Variants in APOOL observed in about 807,000 individuals in gnomAD.
APOOL encodes MICOS complex subunit MIC27.
APOOL carries 12 observed loss-of-function variants against 23.1 expected under a neutral mutation model. The observed-to-expected ratio is 0.52, with a 90% CI of 0.33 to 0.84. The LOEUF (loss-of-function observed/expected upper bound fraction) is 0.84. Ranked by LOEUF, APOOL falls within the 40% of genes least tolerant of loss-of-function variation. APOOL has a pLI of 0.02. For missense variants in APOOL, 212 were observed against 199.6 expected (o/e 1.06, Z -0.37); for synonymous variants, 77 against 69.9 (o/e 1.10, Z -0.51).
At chrX:85,054,060 A>G (rs1013030198) in intron 3 of APOOL, among the ~76,000 whole-genome samples, 4 of 111,773 alleles carry the variant, frequency 3.6e-5, no homozygotes, top group Non-Finnish European at 7.5e-5. Flanking sequence ...TCATTATAAA[A>G]TAAGATGATA....
chrX:85,029,047 C>T (rs950149399), intron 1 of APOOL, among the ~76,000 whole-genome samples: 3 of 111,647 alleles, frequency 2.7e-5, no homozygotes, highest in African/African-American at 9.8e-5. Context: ...GGGTATATAT[C>T]CAGCAGTGGG....
In APOOL at chrX:85,020,336, A is replaced by G. The variant is rs1044677790; in HGVS notation, c.15+16409A>G. 7.2e-5 allele frequency among the ~76,000 whole-genome samples: 8 copies of G among 111,683 alleles called. 1 individual carries two copies. The Admixed American group carries it at 7.6e-4, about 11-fold the overall frequency. ...AGATGCATTGATGAGGGCAGGAGGG[A>G]CGGTCAGTTTTACATTGCCTATGTC... On this transcript the variant is annotated intron_variant, in intron 1 of 8. Coordinates refer to ENST00000373173, the MANE Select transcript of APOOL (RefSeq NM_198450.6).
chrX:85,005,404 C>CT (rs370725375), intron 1 of APOOL, among the ~76,000 whole-genome samples: 1,556 of 33,436 alleles, frequency 0.047, 265 homozygotes, highest in African/African-American at 0.13. Flanking sequence ...ACCCCCCCCC[C>CT]CCCCCGGGCC....
intron 4 of APOOL, 143 bp downstream of exon 4, chrX:85,054,541 TTTATTGA>T (rs1922893735): frequency 2.7e-6 from 1 of 370,959 alleles, no homozygotes; most frequent in African/African-American, 3.6e-5. Flanking sequence ...TATTGATTAA[TTTATTGA>T]TTATTTGTTG....
chrX:85,072,014 A>C (rs1014360766), intron 6 of APOOL, among the ~76,000 whole-genome samples: 2 of 112,047 alleles, frequency 1.8e-5, no homozygotes, highest in Non-Finnish European at 3.8e-5. Flanking sequence ...AAGCTGAGAC[A>C]GGAGAATGGG....
At chrX:85,079,024 T>C (rs932795676) in intron 8 of APOOL, among the ~76,000 whole-genome samples, 2 of 111,785 alleles carry the variant, frequency 1.8e-5, no homozygotes, top group African/African-American at 6.5e-5. Context: ...TATACAATCA[T>C]GTCATCTGCA....
intron 1 of APOOL, among the ~76,000 whole-genome samples, chrX:85,031,860 T>C (rs1922048441): frequency 8.9e-6 from 1 of 112,206 alleles, no homozygotes; most frequent in South Asian, 3.7e-4. Context: ...TAATCCTGTT[T>C]TGAAATTTTG....
chrX:85,084,215 A>G (rs560098851), intron 8 of APOOL, among the ~76,000 whole-genome samples: 1 of 97,534 alleles, frequency 1.0e-5, no homozygotes, highest in Non-Finnish European at 2.0e-5. Flanking sequence ...GGCTCACTGT[A>G]ACCTCTGCCT....
chrX:85,055,825 A>G lies in APOOL; in HGVS notation c.296-2A>G. On this transcript the variant is annotated splice_acceptor_variant, in intron 4 of 8. Transcript: ENST00000373173. LOFTEE classifies it high-confidence loss of function. ...ATGTTAATTTTTAACTGATTTCTTG[A>G]GATGCTTATGTCTATCTGAAGAATC... 3.4e-6 allele frequency: 4 copies of G among 1,175,595 alleles called. No individual in the cohort carries two copies. The highest frequency in any genetic ancestry group is 4.6e-6 in the Non-Finnish European group (4 of 871,485).
chrX:85,057,022 A>G (rs1280874638), intron 5 of APOOL, among the ~76,000 whole-genome samples: 1 of 111,771 alleles, frequency 8.9e-6, no homozygotes, highest in Non-Finnish European at 1.9e-5. Context: ...TAGATTATCA[A>G]GATTGTTGCA....
intron 2 of APOOL, 71 bp downstream of exon 2, chrX:85,046,621 T>G: frequency 1.1e-6 from 1 of 879,261 alleles, no homozygotes; most frequent in Non-Finnish European, 1.6e-6. Flanking sequence ...TTTTTTAAAA[T>G]TATCTTTGCC....
At chrX:85,086,921 G>A (rs1225898671) in intron 8 of APOOL, among the ~76,000 whole-genome samples, 1 of 108,548 alleles carries the variant, frequency 9.2e-6, no homozygotes. Context: ...AGATGGTCTT[G>A]ATCTCCTGAC....
chrX:85,022,245 C>T lies in APOOL; in HGVS notation c.15+18318C>T, dbSNP rs1032349612. Among the ~76,000 whole-genome samples, 5 of 112,178 alleles carry T rather than the reference C, an allele frequency of 4.5e-5. 1 individual carries two copies. Among genetic ancestry groups the T allele is most frequent in the Middle Eastern group, 8.3e-3 (2 of 240 alleles). On this transcript the variant is annotated intron_variant, in intron 1 of 8. Transcript: ENST00000373173. ...TTTCAAATGTATTTTACAAGGCCAG[C>T]ATTACCATGATACAAAAGCCAGACA...
rs191085828 is a variant in APOOL, at chrX:85,031,273, G to T, written c.16-15173G>T. Among the ~76,000 whole-genome samples, 372 of 111,429 alleles carry T rather than the reference G, an allele frequency of 3.3e-3. 1 individual carries two copies. Among genetic ancestry groups the T allele is most frequent in the African/African-American group, 0.011 (325 of 30,711 alleles). On this transcript the variant is annotated intron_variant, in intron 1 of 8. Transcript: ENST00000373173. ...CTTGGTATATAGGCATCTCATAAAT[G>T]TTATTACGTAAAATGACTTAGATTC...
chrX:85,055,926 G>A lies in APOOL; in HGVS notation c.394+1G>A. Reference sequence around the variant, plus strand: ...GCGGGCTTGGTTTCAGCGAGAAAAGGTAGGGTTTTAAAAAATATATTCTCT... The same window carrying A: ...GCGGGCTTGGTTTCAGCGAGAAAAGATAGGGTTTTAAAAAATATATTCTCT... On this transcript the variant is annotated splice_donor_variant, in intron 5 of 8. Coordinates refer to ENST00000373173, the MANE Select transcript of APOOL (RefSeq NM_198450.6). LOFTEE classifies it high-confidence loss of function. The A allele has an allele frequency of 8.5e-7, 1 of 1,174,259 alleles. No homozygotes were observed. Among genetic ancestry groups the A allele is most frequent in the South Asian group, 1.9e-5 (1 of 51,385 alleles).
intron 1 of APOOL, among the ~76,000 whole-genome samples, chrX:85,040,581 T>G (rs1037552329): frequency 8.9e-6 from 1 of 111,815 alleles, no homozygotes; most frequent in Non-Finnish European, 1.9e-5. Context: ...TCCAGAGGTT[T>G]TGTTCCTTTT....
rs766497759 is a variant in APOOL, at chrX:85,088,316, GTTTTTTTTT to G, written c.*659_*667del. ...TGTATGGAAAGGTGTGTTTCCCTCTGTTTTTTTTTTTTTTTTTTTTTTTTTTTTTCCCAT... is the reference window on the plus strand; with the variant it reads ...TGTATGGAAAGGTGTGTTTCCCTCTGTTTTTTTTTTTTTTTTTTTTCCCAT... On this transcript the variant is annotated 3_prime_UTR_variant, in exon 9 of 9. Coordinates refer to ENST00000373173, the MANE Select transcript of APOOL (RefSeq NM_198450.6). 1.5e-3 allele frequency: 33 copies of G among 22,525 alleles called. No individual in the cohort carries two copies. The highest frequency in any genetic ancestry group is 4.4e-3 in the South Asian group (1 of 225). 1.9% of individuals were successfully genotyped at this position (22,525 alleles called of 1,213,427 possible). A position where few individuals can be genotyped will look rare whatever the true frequency, so the allele number is the denominator to read the frequency against.
At chrX:85,021,830 G>A (rs990866695) in intron 1 of APOOL, among the ~76,000 whole-genome samples, 11 of 111,618 alleles carry the variant, frequency 9.9e-5, no homozygotes, top group East Asian at 5.6e-4. Context: ...TGATTTTTGC[G>A]AAAAGATAAC....
At position 85,088,080 on chromosome X, in the gene APOOL, ATATGTATAAATACATATACATATTT is replaced by A. The variant is rs1569462299; in HGVS notation, c.*403_*427del. On this transcript the variant is annotated 3_prime_UTR_variant, in exon 9 of 9. Coordinates refer to ENST00000373173, the MANE Select transcript of APOOL (RefSeq NM_198450.6). ...CATATATGTATAAATACATATACAT[ATATGTATAAATACATATACATATTT>A]ATACATATATGTATAAATACATACA... The A allele has an allele frequency of 7.6e-3, 151 of 19,944 alleles. 18 individuals are homozygous for A. The highest frequency in any genetic ancestry group is 9.5e-3 in the Non-Finnish European group (101 of 10,673). 1.6% of individuals were successfully genotyped at this position (19,944 alleles called of 1,213,427 possible).
Sources: allele counts gnomAD v4.1 joint callset (sites outside exome capture counted in the v4.1 genomes callset), GRCh38; gene constraint gnomAD v4.1.1; transcripts MANE v1.5; gene names NCBI Gene and HGNC (gene_info 2026-07-23, HGNC 2026-07-21).